Variants in TAFA2 observed in about 807,000 individuals in gnomAD.
TAFA2 encodes chemokine-like protein TAFA-2.
Under a neutral mutation model 18.8 loss-of-function variants are expected in TAFA2, and 7 were observed. The observed-to-expected ratio is 0.37, with a 90% confidence interval of 0.21 to 0.70. TAFA2 has a LOEUF of 0.70. TAFA2 is among the 30% of genes least tolerant of loss of function. TAFA2 has a pLI of 0.53. For synonymous variants in TAFA2, 60 were observed against 54.2 expected, an observed-to-expected ratio of 1.11 and a Z score of -0.47; for missense variants, 122 against 158.1, an observed-to-expected ratio of 0.77 and a Z score of 1.23.
chr12:61,940,401 T>C (rs1198136187), intron 1 of TAFA2, among the ~76,000 whole-genome samples: 1 of 151,684 alleles, frequency 6.6e-6, no homozygotes, highest in African/African-American at 2.4e-5. Context: ...GTAGGAGGAG[T>C]GGCCATCAGG....
chr12:62,146,110 C>G (rs966854228), intron 1 of TAFA2, among the ~76,000 whole-genome samples: 2 of 152,130 alleles, frequency 1.3e-5, no homozygotes, highest in Non-Finnish European at 2.9e-5. Context: ...TAACATCTAT[C>G]CTGGAGTAAC....
rs966926385 is a variant in TAFA2 at position 62,133,752 on chromosome 12, T to C, written c.-2+57507A>G. The stretch of plus-strand genomic sequence containing the variant: ...AATTGTTTGTCCTTGGACTGTAGCA[T>C]GGTATGTGGGTGCCAGTAAATATTA... On this transcript the variant is annotated intron_variant, in intron 1 of 4. Coordinates refer to ENST00000416284, the MANE Select transcript of TAFA2 (RefSeq NM_178539.5). 3.3e-5 allele frequency among the ~76,000 whole-genome samples: 5 copies of C among 152,090 alleles called. No individual in the cohort carries two copies. The South Asian group carries it at 6.2e-4, about 19-fold the overall frequency.
At chr12:62,169,207 C>A (rs1334087670) in intron 1 of TAFA2, among the ~76,000 whole-genome samples, 1 of 151,978 alleles carries the variant, frequency 6.6e-6, no homozygotes, top group East Asian at 1.9e-4. Flanking sequence ...AGGAATGTGC[C>A]TAGTTCTAAA....
chr12:61,877,070 A>C (rs143490241), intron 1 of TAFA2, among the ~76,000 whole-genome samples: 1 of 152,204 alleles, frequency 6.6e-6, no homozygotes, highest in Non-Finnish European at 1.5e-5. Flanking sequence ...AAAGTACCAT[A>C]CTCAGCTTTC....
intron 1 of TAFA2, among the ~76,000 whole-genome samples, chr12:61,913,181 A>G (rs1316607662): frequency 6.6e-6 from 1 of 152,180 alleles, no homozygotes; most frequent in Non-Finnish European, 1.5e-5. Flanking sequence ...GTTAAGAAAC[A>G]ACAGAAAATA....
At chr12:62,177,806 C>T (rs1207266039) in intron 1 of TAFA2, among the ~76,000 whole-genome samples, 1 of 152,102 alleles carries the variant, frequency 6.6e-6, no homozygotes, top group African/African-American at 2.4e-5. Flanking sequence ...AAGACCAGTT[C>T]GTTTCATCTC....
chr12:62,035,598 G>A (rs1881578436), intron 1 of TAFA2, among the ~76,000 whole-genome samples: 1 of 151,728 alleles, frequency 6.6e-6, no homozygotes, highest in Non-Finnish European at 1.5e-5. Flanking sequence ...CTGAAAGGAA[G>A]CTAGTGTGCC....
intron 2 of TAFA2, among the ~76,000 whole-genome samples, chr12:61,804,072 A>G (rs977727847): frequency 2.6e-5 from 4 of 151,992 alleles, no homozygotes; most frequent in African/African-American, 9.7e-5. Context: ...GCATTTGTTC[A>G]AAGATTCCTA....
chr12:61,938,333 A>G (rs1565688239), intron 1 of TAFA2, among the ~76,000 whole-genome samples: 1 of 151,874 alleles, frequency 6.6e-6, no homozygotes, highest in East Asian at 1.9e-4. Context: ...TTTTTTTAAA[A>G]CCTTTATTTT....
chr12:61,905,723 C>T (rs566068126), intron 1 of TAFA2, among the ~76,000 whole-genome samples: 122 of 152,304 alleles, frequency 8.0e-4, no homozygotes, highest in African/African-American at 2.8e-3. Context: ...TTGTCCTCCT[C>T]ATGTATGAAA....
chr12:61,929,098 GT>G (rs1877436498), intron 1 of TAFA2, among the ~76,000 whole-genome samples: 1 of 151,028 alleles, frequency 6.6e-6, no homozygotes, highest in Non-Finnish European at 1.5e-5. Flanking sequence ...TACAGCACAT[GT>G]ATACCTATGT....
chr12:62,133,320 A>C (rs562005989), intron 1 of TAFA2, among the ~76,000 whole-genome samples: 1 of 152,164 alleles, frequency 6.6e-6, no homozygotes, highest in South Asian at 2.1e-4. Context: ...TATGGAACCC[A>C]GGACTAAGCA....
chr12:62,228,910 T>A (rs1473337664), intron 1 of TAFA2, among the ~76,000 whole-genome samples: 1 of 152,180 alleles, frequency 6.6e-6, no homozygotes, highest in Non-Finnish European at 1.5e-5. Context: ...GTCTTAACAA[T>A]TTTCCTTGTA....
chr12:62,190,601 C>T (rs1425857119), intron 1 of TAFA2, among the ~76,000 whole-genome samples: 2 of 152,186 alleles, frequency 1.3e-5, no homozygotes, highest in African/African-American at 4.8e-5. Context: ...GTAGCCTTTA[C>T]AAAAGCTTTA....
At chr12:62,140,801 G>GTA (rs2062234515) in intron 1 of TAFA2, among the ~76,000 whole-genome samples, 1 of 152,272 alleles carries the variant, frequency 6.6e-6, no homozygotes, top group East Asian at 1.9e-4. Context: ...ATGTCCTATA[G>GTA]GAACAGGGAA....
intron 1 of TAFA2, among the ~76,000 whole-genome samples, chr12:62,202,526 TGGACAGA>T (rs1253655945): frequency 6.6e-6 from 1 of 151,748 alleles, no homozygotes; most frequent in Admixed American, 6.6e-5. Flanking sequence ...TTAGTAGAGG[TGGACAGA>T]CTGGTCTCAA....
intron 1 of TAFA2, among the ~76,000 whole-genome samples, chr12:61,885,563 T>A (rs1295869966): frequency 1.3e-5 from 2 of 152,222 alleles, no homozygotes; most frequent in African/African-American, 4.8e-5. Flanking sequence ...TTGTGGACCA[T>A]CTGGGGAGCA....
At chr12:62,075,089 C>A (rs192919579) in intron 1 of TAFA2, among the ~76,000 whole-genome samples, 6 of 152,222 alleles carry the variant, frequency 3.9e-5, no homozygotes, top group Non-Finnish European at 5.9e-5. Context: ...CAGATGACAA[C>A]CATTGAACCA....
chr12:62,190,644 T>C (rs1372923809), intron 1 of TAFA2, among the ~76,000 whole-genome samples: 1 of 152,148 alleles, frequency 6.6e-6, no homozygotes, highest in African/African-American at 2.4e-5. Flanking sequence ...CCGTCCCAAA[T>C]CTAAATAAAC....
Sources: allele counts gnomAD v4.1 joint callset (sites outside exome capture counted in the v4.1 genomes callset), GRCh38; gene constraint gnomAD v4.1.1; transcripts MANE v1.5; gene names NCBI Gene and HGNC (gene_info 2026-07-23, HGNC 2026-07-21).